Variants in FAM167A observed in about 807,000 individuals in gnomAD.
FAM167A encodes the protein protein FAM167A.
Under a neutral mutation model 14.9 loss-of-function variants are expected in FAM167A, and 23 were observed. That is an observed-to-expected ratio of 1.55 (90% CI 1.11 to 2.19). The LOEUF (loss-of-function observed/expected upper bound fraction) is 2.19, where lower values mean the gene tolerates loss of function less well. Among genes scored for constraint, FAM167A ranks in the 30% most tolerant of loss-of-function variants. The probability of loss-of-function intolerance (pLI) is 0.00; values close to 1 mark genes in which losing one functional copy is unlikely to be tolerated. For synonymous variants in FAM167A, 174 were observed against 117.7 expected, an observed-to-expected ratio of 1.48 and a Z score of -3.10; for missense variants, 401 against 281.5, an observed-to-expected ratio of 1.42 and a Z score of -3.04.
intron 1 of FAM167A, among the ~76,000 whole-genome samples, chr8:11,473,576 A>G (rs1398666757): frequency 6.6e-6 from 1 of 152,128 alleles, no homozygotes; most frequent in African/African-American, 2.4e-5. Context: ...AACAAAAAGA[A>G]CGCACACCTT....
At chr8:11,459,096 C>T (rs527945312) in intron 1 of FAM167A, among the ~76,000 whole-genome samples, 2 of 152,348 alleles carry the variant, frequency 1.3e-5, no homozygotes, top group South Asian at 2.1e-4. Context: ...TTCTCTATTT[C>T]TCATTTATAC....
intron 1 of FAM167A, among the ~76,000 whole-genome samples, chr8:11,462,260 G>C (rs1179435168): frequency 6.6e-6 from 1 of 152,220 alleles, no homozygotes; most frequent in Non-Finnish European, 1.5e-5. Flanking sequence ...GGTGTCGGGG[G>C]ACGTGGGTTG....
upstream of FAM167A, among the ~76,000 whole-genome samples, chr8:11,467,330 T>C (rs1003196127): frequency 1.3e-5 from 2 of 152,206 alleles, no homozygotes; most frequent in Non-Finnish European, 2.9e-5. Flanking sequence ...CCTCTGGCTG[T>C]CGTTAGATTC....
At chr8:11,451,215 C>G (rs1807011655) in intron 1 of FAM167A, among the ~76,000 whole-genome samples, 2 of 152,236 alleles carry the variant, frequency 1.3e-5, no homozygotes, top group South Asian at 4.1e-4. Flanking sequence ...CCACCATGCT[C>G]AGCACATGTG....
intron 1 of FAM167A, among the ~76,000 whole-genome samples, chr8:11,446,967 T>C (rs1340978449): frequency 6.6e-6 from 1 of 152,124 alleles, no homozygotes; most frequent in Non-Finnish European, 1.5e-5. Flanking sequence ...TGCAGGCGGA[T>C]GAGCAGCACC....
chr8:11,442,130 G>A (rs1304622970), intron 2 of FAM167A, among the ~76,000 whole-genome samples: 1 of 152,194 alleles, frequency 6.6e-6, no homozygotes, highest in African/African-American at 2.4e-5. Flanking sequence ...ATGGAGCCTG[G>A]CTCTACACAT....
chr8:11,473,950 G>A (rs112616310), intron 1 of FAM167A, among the ~76,000 whole-genome samples: 2,823 of 151,998 alleles, frequency 0.019, 87 homozygotes, highest in African/African-American at 0.065. Flanking sequence ...CCAGCTCACT[G>A]CCAATCTTTG....
intron 2 of FAM167A, chr8:11,434,968 C>A (rs1443151109): frequency 2.2e-6 from 1 of 451,726 alleles, no homozygotes; most frequent in Non-Finnish European, 4.5e-6. Flanking sequence ...TGGCACCCAC[C>A]CCTGCATTTG....
intron 2 of FAM167A, among the ~76,000 whole-genome samples, chr8:11,425,786 A>G (rs542286677): frequency 6.0e-5 from 8 of 132,706 alleles, no homozygotes; most frequent in Middle Eastern, 3.7e-3. Context: ...TGCCTCTGGT[A>G]TAGCGTCACA....
chr8:11,443,394 C>G (rs565491626), intron 2 of FAM167A, among the ~76,000 whole-genome samples: 1 of 152,334 alleles, frequency 6.6e-6, no homozygotes, highest in Non-Finnish European at 1.5e-5. Flanking sequence ...TCACACCTGG[C>G]CCCGCCCTGA....
At chr8:11,451,311 C>T (rs1441444889) in intron 1 of FAM167A, among the ~76,000 whole-genome samples, 4 of 152,324 alleles carry the variant, frequency 2.6e-5, no homozygotes, top group African/African-American at 7.2e-5. Flanking sequence ...GCTGGGGGCC[C>T]GCAGCTGGGC....
At chr8:11,471,238 T>C (rs113030375), upstream of FAM167A, among the ~76,000 whole-genome samples, 2,852 of 152,268 alleles carry the variant, frequency 0.019, 88 homozygotes, top group African/African-American at 0.066. Context: ...GGAGGCTTTG[T>C]GCAGAGCAGG....
At chr8:11,424,740 T>C in intron 2 of FAM167A, 104 bp from the exon 3 acceptor site, 1 of 1,460,136 alleles carries the variant, frequency 6.8e-7, no homozygotes, top group African/African-American at 1.4e-5. Context: ...GTTCATTAAG[T>C]GGTCCATCTA....
chr8:11,472,868 C>G (rs1299334837), intron 1 of FAM167A, among the ~76,000 whole-genome samples: 1 of 152,254 alleles, frequency 6.6e-6, no homozygotes, highest in East Asian at 1.9e-4. Flanking sequence ...GCTGAATAGA[C>G]TCTATCCTGC....
chr8:11,462,522 C>T (rs551908567), intron 1 of FAM167A, among the ~76,000 whole-genome samples: 8 of 152,178 alleles, frequency 5.3e-5, no homozygotes, highest in Non-Finnish European at 1.2e-4. Flanking sequence ...TCCTGCACTG[C>T]GAAAGTTAAC....
chr8:11,435,067 T>G (rs565471205), intron 2 of FAM167A: 17 of 456,712 alleles, frequency 3.7e-5, no homozygotes, highest in Non-Finnish European at 7.5e-5. Flanking sequence ...AAGAGGCTGA[T>G]GGGCAGGTCT....
chr8:11,436,345 GC>G (rs1429726029), intron 2 of FAM167A, among the ~76,000 whole-genome samples: 2 of 152,192 alleles, frequency 1.3e-5, no homozygotes, highest in Non-Finnish European at 2.9e-5. Flanking sequence ...GCAAGTGGGG[GC>G]CCTCGTGAGG....
intron 2 of FAM167A, among the ~76,000 whole-genome samples, chr8:11,433,451 G>A (rs1453634254): frequency 1.3e-5 from 2 of 152,138 alleles, no homozygotes; most frequent in African/African-American, 4.8e-5. Flanking sequence ...TGTGCACTTT[G>A]GCTTACGAAA....
chr8:11,461,051 T>C (rs140057125), intron 1 of FAM167A, among the ~76,000 whole-genome samples: 184 of 152,164 alleles, frequency 1.2e-3, no homozygotes, highest in Non-Finnish European at 1.9e-3. Flanking sequence ...GCTGAGAAAA[T>C]TGCCAAGAAA....
Sources: gnomAD v4.1 joint callset for allele counts (sites outside exome capture counted in the v4.1 genomes callset) on GRCh38, gnomAD v4.1.1 for gene constraint, MANE v1.5 for transcripts, NCBI Gene and HGNC (gene_info 2026-07-23, HGNC 2026-07-21) for gene names.